PCDHGA4: variants seen among roughly 807,000 people sequenced by gnomAD.
PCDHGA4 encodes protocadherin gamma subfamily A, 4.
PCDHGA4 carries 38 observed loss-of-function variants against 54.6 expected under a neutral mutation model. The ratio of observed to expected loss-of-function variants is 0.70; its 90% CI spans 0.54 to 0.91. PCDHGA4 has a LOEUF of 0.91. PCDHGA4 is among the 40% of genes least tolerant of loss of function. PCDHGA4 has a pLI of 0.00. For synonymous variants in PCDHGA4, 511 were observed against 512.9 expected, an observed-to-expected ratio of 1.00 and a Z score of 0.05; for missense variants, 1,298 against 1,220.9, an observed-to-expected ratio of 1.06 and a Z score of -0.94.
At chr5:141,405,938 G>A (rs1249578216) in intron 1 of PCDHGA4, among the ~76,000 whole-genome samples, 2 of 152,114 alleles carry the variant, frequency 1.3e-5, no homozygotes, top group Non-Finnish European at 2.9e-5. Flanking sequence ...TAACTTTCAT[G>A]TTCTCATAAT....
intron 1 of PCDHGA4, chr5:141,376,580 C>G (rs1351878933): frequency 1.3e-6 from 2 of 1,589,974 alleles, no homozygotes; most frequent in South Asian, 1.1e-5. Flanking sequence ...ACAGGCTCAT[C>G]AGCTAGATCG....
In PCDHGA4 at chr5:141,355,739, T is replaced by C; in HGVS notation, c.632T>C (p.Leu211Pro). The C allele has an allele frequency of 6.2e-7, 1 of 1,613,992 alleles. No homozygotes were observed. The highest frequency in any genetic ancestry group is 8.5e-7 in the Non-Finnish European group (1 of 1,179,880). ...CTCAACTCAAACGGTTACTTTTCCC[T>C]GGACGTGCAAAGTGGGGCCGATGGG... is the stretch of plus-strand genomic sequence containing the variant. ...YQLNSNGYFS[L>P]DVQSGADGIK... The change falls in exon 1 of 4, where the codon CTG becomes CCG. Residue 211 changes from leucine (L) to proline (P), a missense_variant. Leu to Pro is a moderately conservative substitution (Grantham distance 98). Transcript: ENST00000571252.
intron 1 of PCDHGA4, chr5:141,409,468 C>A: frequency 2.5e-6 from 4 of 1,613,948 alleles, no homozygotes; most frequent in Non-Finnish European, 3.4e-6. Context: ...ATGTCACCAT[C>A]GTAGCCACTG....
At chr5:141,366,474 G>T (rs1339425803) in intron 1 of PCDHGA4, 10 of 1,614,248 alleles carry the variant, frequency 6.2e-6, no homozygotes, top group Non-Finnish European at 8.5e-6. Context: ...CTGGTGCTCA[G>T]ACTGAGGCGC....
chr5:141,488,677 G>A (rs2099678276), intron 1 of PCDHGA4, among the ~76,000 whole-genome samples: 2 of 152,184 alleles, frequency 1.3e-5, no homozygotes, highest in African/African-American at 2.4e-5. Context: ...CATGGGCTTT[G>A]CCTCTCCCAG....
chr5:141,382,422 C>A (rs1778191772), intron 1 of PCDHGA4, among the ~76,000 whole-genome samples: 1 of 152,092 alleles, frequency 6.6e-6, no homozygotes, highest in Admixed American at 6.5e-5. Context: ...AGTCAGTGCC[C>A]AAAAGAGTCA....
chr5:141,425,845 GT>G (rs2096898477), intron 1 of PCDHGA4, among the ~76,000 whole-genome samples: 1 of 152,126 alleles, frequency 6.6e-6, no homozygotes, highest in Non-Finnish European at 1.5e-5. Context: ...TCTTTGCTGG[GT>G]TAATGACTGT....
At chr5:141,461,273 C>A (rs1301916233) in intron 1 of PCDHGA4, among the ~76,000 whole-genome samples, 1 of 152,128 alleles carries the variant, frequency 6.6e-6, no homozygotes, top group Admixed American at 6.6e-5. Flanking sequence ...TAAGTGTTCT[C>A]TTTTCCCCAC....
At chr5:141,427,400 A>T in intron 1 of PCDHGA4, 1 of 461,200 alleles carries the variant, frequency 2.2e-6, no homozygotes, top group Non-Finnish European at 4.3e-6. Context: ...CACATGATAA[A>T]GATTCGAGAG....
chr5:141,480,457 G>GT (rs1309116577), intron 1 of PCDHGA4, among the ~76,000 whole-genome samples: 4 of 152,060 alleles, frequency 2.6e-5, no homozygotes, highest in Non-Finnish European at 5.9e-5. Flanking sequence ...ATTTTTATTA[G>GT]TTCCTCACTC....
chr5:141,418,079 C>A, intron 1 of PCDHGA4: 1 of 1,614,048 alleles, frequency 6.2e-7, no homozygotes, highest in Non-Finnish European at 8.5e-7. Context: ...GGAGAAGCTG[C>A]ACTTCAGCGT....
At chr5:141,421,964 C>A (rs772274014) in intron 1 of PCDHGA4, 3 of 1,611,350 alleles carry the variant, frequency 1.9e-6, no homozygotes, top group Non-Finnish European at 2.5e-6. Flanking sequence ...TTTACACAGT[C>A]CGTATATCGC....
At chr5:141,394,359 G>A in intron 1 of PCDHGA4, 3 of 1,614,204 alleles carry the variant, frequency 1.9e-6, no homozygotes, top group Non-Finnish European at 2.5e-6. Context: ...TGTCCTGTAT[G>A]CGCTGCAATC....
At chr5:141,374,518 C>G (rs766036470) in intron 1 of PCDHGA4, 9 of 1,612,422 alleles carry the variant, frequency 5.6e-6, no homozygotes, top group African/African-American at 1.3e-5. Flanking sequence ...TTCTCGAAAA[C>G]GCAGCTCCAT....
rs200686404 is a variant in PCDHGA4 at position 141,477,185 on chromosome 5, G to A, written c.2515-17622G>A. On this transcript the variant is annotated intron_variant, in intron 1 of 3. Transcript: ENST00000571252. The surrounding 1 kb of genome is among the most constrained non-coding windows in gnomAD (Gnocchi z 4.9). ...CGCCCCGGAGATCACAGTCACCTCCGTGTACAGCCCAGTACCCGAGGATGC... is the reference window on the plus strand; with the variant it reads ...CGCCCCGGAGATCACAGTCACCTCCATGTACAGCCCAGTACCCGAGGATGC... 1.2e-6 allele frequency: 2 copies of A among 1,614,210 alleles called. No individual in the cohort carries two copies. Among genetic ancestry groups the A allele is most frequent in the South Asian group, 1.1e-5 (1 of 91,084 alleles).
rs773157241 is a variant in PCDHGA4, at chr5:141,370,760, G to A, written c.2514+13139G>A. 7 of 1,613,862 alleles carry A rather than the reference G, an allele frequency of 4.3e-6. No individual in the cohort carries two copies. The Admixed American group carries it at 1.2e-4, about 27-fold the overall frequency. On this transcript the variant is annotated intron_variant, in intron 1 of 3. Coordinates refer to ENST00000571252, the MANE Select transcript of PCDHGA4 (RefSeq NM_018917.4). ...TAAACTTTTTTCATGTAACTGTGCT[G>A]ATCCAGGATATTAACGACAACCCAC...
At chr5:141,459,603 A>G (rs867387156) in intron 1 of PCDHGA4, among the ~76,000 whole-genome samples, 1 of 152,244 alleles carries the variant, frequency 6.6e-6, no homozygotes, top group Non-Finnish European at 1.5e-5. Flanking sequence ...AATGGGAAGT[A>G]TATGCTTAAC....
chr5:141,374,092 T>G, intron 1 of PCDHGA4: 2 of 1,537,780 alleles, frequency 1.3e-6, no homozygotes. Flanking sequence ...TAATGGCGCC[T>G]CCGCAGAGGC....
chr5:141,488,497 C>T (rs1054409265), intron 1 of PCDHGA4, among the ~76,000 whole-genome samples: 3 of 152,204 alleles, frequency 2.0e-5, no homozygotes, highest in South Asian at 2.1e-4. Flanking sequence ...CTGTAACACT[C>T]ATTCCACATT....
Sources: allele counts gnomAD v4.1 joint callset (sites outside exome capture counted in the v4.1 genomes callset), GRCh38; gene constraint gnomAD v4.1.1; non-coding constraint Gnocchi (gnomAD v3.1); transcripts MANE v1.5; gene names NCBI Gene and HGNC (gene_info 2026-07-23, HGNC 2026-07-21).